The following PCDH7 variants were observed in gnomAD, a reference collection of about 807,000 sequenced individuals.
PCDH7 encodes the protein protocadherin 7.
A neutral mutation model predicts 58.9 loss-of-function variants in PCDH7; 17 were observed. The ratio of observed to expected loss-of-function variants is 0.29; its 90% confidence interval spans 0.20 to 0.43. The LOEUF is 0.43. Ranked by LOEUF, PCDH7 falls within the 20% of genes least tolerant of loss-of-function variation. The probability of loss-of-function intolerance (pLI) is 1.00; values close to 1 mark genes in which losing one functional copy is unlikely to be tolerated. For missense variants in PCDH7, 1,274 were observed against 1,441.0 expected (o/e 0.88, Z 1.88); for synonymous variants, 664 against 616.4 (o/e 1.08, Z -1.14).
intron 3 of PCDH7, among the ~76,000 whole-genome samples, chr4:31,114,118 G>A (rs902029805): frequency 1.4e-4 from 22 of 152,088 alleles, no homozygotes; most frequent in African/African-American, 5.3e-4. Flanking sequence ...ACACGCGTGA[G>A]CCACTGCAGC....
intron 3 of PCDH7, among the ~76,000 whole-genome samples, chr4:31,084,781 G>A (rs1323125497): frequency 9.1e-5 from 10 of 109,402 alleles, no homozygotes; most frequent in Non-Finnish European, 1.5e-4. Flanking sequence ...GGAGGGGGAG[G>A]GGACGGGGGG....
At position 30,846,985 on chromosome 4, in the gene PCDH7, T is replaced by C. The variant is rs548346248; in HGVS notation, c.71-73168T>C. Among the ~76,000 whole-genome samples, 20 of 152,106 alleles carry C rather than the reference T, an allele frequency of 1.3e-4. No individual in the cohort carries two copies. The East Asian group carries it at 3.7e-3, about 28-fold the overall frequency. ...CAAGAAATTAAAAATTAGCTGGGCATGGTGGCATGTTCAAGAAGTTCCAGC... is the reference window on the plus strand; with the variant it reads ...CAAGAAATTAAAAATTAGCTGGGCACGGTGGCATGTTCAAGAAGTTCCAGC... On this transcript the variant is annotated intron_variant, in intron 1 of 3. Coordinates refer to the PCDH7 transcript ENST00000509759.
rs1714306640 is a variant in PCDH7 at position 31,097,636 on chromosome 4, A to AT, written c.*8-44836dup. Reference sequence around the variant, plus strand: ...TATATATATATATATATATATATATATAAATCTTTTTTCTGTAATTTCTGT... The same window carrying AT: ...TATATATATATATATATATATATATATTAAATCTTTTTTCTGTAATTTCTGT... On this transcript the variant is annotated intron_variant, in intron 3 of 3. Coordinates refer to the PCDH7 transcript ENST00000509759. Among the ~76,000 whole-genome samples the AT allele has an allele frequency of 8.9e-5, 3 of 33,844 alleles. 1 individual carries two copies. Among genetic ancestry groups the AT allele is most frequent in the Admixed American group, 8.6e-4 (3 of 3,482 alleles). 22.2% of individuals were successfully genotyped at this position (33,844 alleles called of 152,430 possible). A position where few individuals can be genotyped will look rare whatever the true frequency, so the allele number is the denominator to read the frequency against.
intron 3 of PCDH7, among the ~76,000 whole-genome samples, chr4:31,056,855 C>T (rs144242882): frequency 0.088 from 13,383 of 152,278 alleles, 695 homozygotes; most frequent in South Asian, 0.18. Flanking sequence ...GCTGGGATTA[C>T]AGGCATGAGC....
At chr4:31,140,869 G>A (rs1720167481) in intron 3 of PCDH7, among the ~76,000 whole-genome samples, 1 of 152,148 alleles carries the variant, frequency 6.6e-6, no homozygotes, top group African/African-American at 2.4e-5. Flanking sequence ...GGCAGCATCG[G>A]CAACTGGAAT....
intron 2 of PCDH7, among the ~76,000 whole-genome samples, chr4:30,949,641 T>C (rs1417045166): frequency 6.6e-6 from 1 of 152,130 alleles, no homozygotes. Context: ...GTTGTTTTCA[T>C]GTCAAAATTA....
At chr4:30,909,212 A>G (rs1260582486) in intron 1 of PCDH7, among the ~76,000 whole-genome samples, 1 of 152,212 alleles carries the variant, frequency 6.6e-6, no homozygotes, top group African/African-American at 2.4e-5. Flanking sequence ...TGACAAACCT[A>G]CAGTCAATAT....
At chr4:31,078,236 G>C (rs1759168019) in intron 3 of PCDH7, among the ~76,000 whole-genome samples, 1 of 152,092 alleles carries the variant, frequency 6.6e-6, no homozygotes, top group Admixed American at 6.6e-5. Flanking sequence ...CCAGAATCAA[G>C]TCAGCTTTAA....
At chr4:30,847,679 A>C (rs528259497) in intron 1 of PCDH7, among the ~76,000 whole-genome samples, 1 of 152,292 alleles carries the variant, frequency 6.6e-6, no homozygotes, top group South Asian at 2.1e-4. Context: ...CTGAAATCAT[A>C]ATTTTAAGTT....
Position 30,994,738 on chromosome 4 carries a change from T to G in PCDH7, c.*7+44523T>G, listed in dbSNP as rs532269815. Among the ~76,000 whole-genome samples the G allele has an allele frequency of 2.0e-5, 3 of 152,306 alleles. No individual in the cohort carries two copies. The East Asian group carries it at 5.8e-4, about 29-fold the overall frequency. On this transcript the variant is annotated intron_variant, in intron 3 of 3. Transcript: ENST00000509759. ...ATAAACTTTGAAAATGTATAAAAAA[T>G]CACTATCCTTTATTAAAAAAGATAC...
chr4:30,806,421 C>T (rs765442794), intron 1 of PCDH7, among the ~76,000 whole-genome samples: 2 of 152,018 alleles, frequency 1.3e-5, no homozygotes, highest in Non-Finnish European at 2.9e-5. Context: ...TCTCCTGTCT[C>T]AGCCTCCCGA....
At chr4:30,909,446 A>C (rs1012093131) in intron 1 of PCDH7, among the ~76,000 whole-genome samples, 1 of 152,216 alleles carries the variant, frequency 6.6e-6, no homozygotes, top group Admixed American at 6.5e-5. Context: ...TTCTCAGCCC[A>C]AAAACTCTTT....
At position 31,103,510 on chromosome 4, in the gene PCDH7, A is replaced by C. The variant is rs1422169295; in HGVS notation, c.*8-38963A>C. Among the ~76,000 whole-genome samples, 4 of 151,616 alleles carry C rather than the reference A, an allele frequency of 2.6e-5. No homozygotes were observed. The East Asian group carries it at 7.8e-4, about 29-fold the overall frequency. Reference sequence around the variant, plus strand: ...CCACCAAGGCTAGCCAATTTTTTGTATTTTTATTAGAGAGACAGGGTTTCA... The same window carrying C: ...CCACCAAGGCTAGCCAATTTTTTGTCTTTTTATTAGAGAGACAGGGTTTCA... On this transcript the variant is annotated intron_variant, in intron 3 of 3. Transcript: ENST00000509759.
At chr4:31,105,173 T>C (rs1435743643) in intron 3 of PCDH7, among the ~76,000 whole-genome samples, 1 of 152,230 alleles carries the variant, frequency 6.6e-6, no homozygotes. Context: ...ATAATTGTCA[T>C]ACTTCATTTA....
At chr4:31,126,739 C>A (rs1718354164) in intron 3 of PCDH7, among the ~76,000 whole-genome samples, 1 of 152,134 alleles carries the variant, frequency 6.6e-6, no homozygotes, top group Non-Finnish European at 1.5e-5. Flanking sequence ...CTTTAGTATT[C>A]ACAAAGTACC....
At chr4:31,122,210 T>G (rs1717773008) in intron 3 of PCDH7, among the ~76,000 whole-genome samples, 1 of 152,144 alleles carries the variant, frequency 6.6e-6, no homozygotes, top group South Asian at 2.1e-4. Context: ...ATATATTTAA[T>G]CACACCAAAT....
chr4:31,021,567 G>A (rs1340648890), intron 3 of PCDH7, among the ~76,000 whole-genome samples: 1 of 152,030 alleles, frequency 6.6e-6, no homozygotes, highest in East Asian at 1.9e-4. Context: ...GGGTGTCCTG[G>A]GGGTGGCTTT....
chr4:30,889,601 C>T (rs1181710857), intron 1 of PCDH7, among the ~76,000 whole-genome samples: 2 of 152,084 alleles, frequency 1.3e-5, no homozygotes, highest in African/African-American at 4.8e-5. Flanking sequence ...TTTATAAACC[C>T]ATCAGAGTTC....
intron 3 of PCDH7, among the ~76,000 whole-genome samples, chr4:30,973,137 T>C (rs756997008): frequency 6.6e-6 from 1 of 152,146 alleles, no homozygotes; most frequent in Non-Finnish European, 1.5e-5. Flanking sequence ...GCCAAGTGTG[T>C]AATAGAGACA....
Sources: gnomAD v4.1 joint callset for allele counts (sites outside exome capture counted in the v4.1 genomes callset) on GRCh38, gnomAD v4.1.1 for gene constraint, MANE v1.5 for transcripts, NCBI Gene and HGNC (gene_info 2026-07-23, HGNC 2026-07-21) for gene names.